Variants in HAUS7 observed in about 807,000 individuals in gnomAD.
The protein encoded by HAUS7 is HAUS augmin-like complex subunit 7.
A neutral mutation model predicts 28.4 loss-of-function variants in HAUS7; 3 were observed. That is an observed-to-expected ratio of 0.11 (90% CI 0.05 to 0.27). HAUS7 has a LOEUF of 0.27. Ranked by LOEUF, HAUS7 falls within the 10% of genes least tolerant of loss-of-function variation. The pLI is 1.00. For missense variants in HAUS7, 284 were observed against 297.3 expected, an observed-to-expected ratio of 0.96 and a Z score of 0.33; for synonymous variants, 165 against 132.1, an observed-to-expected ratio of 1.25 and a Z score of -1.71.
chrX:153,479,843 C>G (rs1247933960), intron 1 of HAUS7, among the ~76,000 whole-genome samples: 1 of 111,222 alleles, frequency 9.0e-6, no homozygotes, highest in Non-Finnish European at 1.9e-5. Context: ...GCCCCTCACC[C>G]CTGCAGACAG....
chrX:153,488,559 G>A (rs1354458850), intron 1 of HAUS7, among the ~76,000 whole-genome samples: 1 of 112,410 alleles, frequency 8.9e-6, no homozygotes, highest in African/African-American at 3.2e-5. Context: ...CTTTGGACTC[G>A]TCCCGGCATT....
intron 1 of HAUS7, among the ~76,000 whole-genome samples, chrX:153,492,254 A>C (rs782304605): frequency 1.8e-5 from 2 of 113,298 alleles, no homozygotes; most frequent in Admixed American, 1.8e-4. Flanking sequence ...TTCCTAGAGC[A>C]CTTCAGCTGG....
At chrX:153,470,999 C>A (rs782283922), upstream of HAUS7, 5 of 330,477 alleles carry the variant, frequency 1.5e-5, no homozygotes, top group African/African-American at 1.3e-4. Context: ...GGCGCTCCTG[C>A]CTTGGTCGGG....
At chrX:153,452,121 G>C (rs1392067812) in intron 9 of HAUS7, among the ~76,000 whole-genome samples, 1 of 112,272 alleles carries the variant, frequency 8.9e-6, no homozygotes, top group East Asian at 2.8e-4. Flanking sequence ...GGCAGCCAGA[G>C]GACACTGAAA....
chrX:153,466,015 T>C (rs1342951342), intron 2 of HAUS7, among the ~76,000 whole-genome samples: 1 of 112,680 alleles, frequency 8.9e-6, no homozygotes, highest in African/African-American at 3.2e-5. Flanking sequence ...TCTAGGAGCC[T>C]GCTGACTCGT....
intron 1 of HAUS7, chrX:153,494,923 C>T (rs991026733): frequency 9.9e-6 from 1 of 101,418 alleles, no homozygotes; most frequent in East Asian, 3.2e-4. Flanking sequence ...CCCGCTGTCC[C>T]CTCCCCGTCG....
At chrX:153,492,893 T>G (rs1042901216) in intron 1 of HAUS7, among the ~76,000 whole-genome samples, 19 of 111,861 alleles carry the variant, frequency 1.7e-4, no homozygotes, top group African/African-American at 6.5e-5. Flanking sequence ...CTGGGACTCC[T>G]GGAGGCTGAG....
intron 1 of HAUS7, among the ~76,000 whole-genome samples, chrX:153,492,883 C>A (rs947215177): frequency 8.0e-5 from 9 of 111,875 alleles, no homozygotes; most frequent in Non-Finnish European, 1.5e-4. Flanking sequence ...TTCACCCCCA[C>A]TGGGACTCCT....
At chrX:153,483,210 C>T (rs1164547380) in intron 1 of HAUS7, 12 of 548,721 alleles carry the variant, frequency 2.2e-5, no homozygotes, top group Non-Finnish European at 2.7e-5. Flanking sequence ...GAGGCAGTGC[C>T]GGCAGAGAAT....
Position 153,469,238 on chromosome X carries a change from C to A in HAUS7, c.132G>T (p.Glu44Asp), listed in dbSNP as rs1556984780. The change falls in exon 2 of 10, where the codon GAG becomes GAT. Residue 44 changes from glutamate (E) to aspartate (D), a missense_variant. Coordinates refer to ENST00000370211, the MANE Select transcript of HAUS7 (RefSeq NM_001385482.1). ...KLKDLNCPFL[E>D]GLYITEPKTI... ...TCTTTGGCTCTGTGATATACAGACC[C>A]TCGAGGAAGGGGCAGTTTAGGTCCT... The A allele has an allele frequency of 7.7e-6, 9 of 1,164,944 alleles. No individual in the cohort carries two copies. In the African/African-American group the frequency reaches 8.8e-5, roughly 11 times the overall value.
chrX:153,462,778 C>G, intron 3 of HAUS7, 107 bp from the exon 4 acceptor site: 1 of 602,536 alleles, frequency 1.7e-6, no homozygotes. Context: ...GTATAGGAGA[C>G]CAGGGTGGGC....
At chrX:153,485,713 C>T (rs1290823917) in intron 1 of HAUS7, 1 of 742,033 alleles carries the variant, frequency 1.3e-6, no homozygotes, top group Non-Finnish European at 1.6e-6. Flanking sequence ...CCTGGAACTC[C>T]CCTCTAGGAG....
At chrX:153,458,580 A>G (rs782520617) in intron 4 of HAUS7, among the ~76,000 whole-genome samples, 16 of 112,339 alleles carry the variant, frequency 1.4e-4, no homozygotes, top group African/African-American at 6.5e-5. Flanking sequence ...TTTTGTGTGC[A>G]TGTATATTTT....
intron 1 of HAUS7, among the ~76,000 whole-genome samples, chrX:153,477,564 G>A (rs1465312834): frequency 5.3e-5 from 6 of 112,711 alleles, no homozygotes; most frequent in African/African-American, 1.9e-4. Flanking sequence ...AGGATCCTGG[G>A]GCAAGCTTCA....
intron 1 of HAUS7, among the ~76,000 whole-genome samples, chrX:153,493,274 G>A (rs781790330): frequency 8.9e-5 from 10 of 112,272 alleles, no homozygotes; most frequent in South Asian, 7.4e-4. Flanking sequence ...GAGGCTCTGC[G>A]GCCTTTTGCG....
chrX:153,488,819 C>G (rs1413264079), intron 1 of HAUS7, among the ~76,000 whole-genome samples: 1 of 113,156 alleles, frequency 8.8e-6, no homozygotes, highest in African/African-American at 3.2e-5. Flanking sequence ...CTGCCCACTT[C>G]TTACCACTGC....
At chrX:153,457,387 T>C (rs146151220) in intron 4 of HAUS7, among the ~76,000 whole-genome samples, 159 bp from the exon 5 acceptor site, 5 of 113,237 alleles carry the variant, frequency 4.4e-5, no homozygotes, top group Non-Finnish European at 9.4e-5. Context: ...AGCAATGTCT[T>C]GGACTAGCAA....
At chrX:153,470,613 C>G (rs1556985054), upstream of HAUS7, 1 of 1,190,125 alleles carries the variant, frequency 8.4e-7, no homozygotes, top group East Asian at 3.0e-5. Context: ...GCCGGCAAGA[C>G]CGCCAATCAA....
intron 9 of HAUS7, among the ~76,000 whole-genome samples, chrX:153,453,626 G>A (rs1178043999): frequency 1.8e-5 from 2 of 109,737 alleles, no homozygotes; most frequent in Admixed American, 9.8e-5. Flanking sequence ...ATAACATATG[G>A]ATACTTAATA....
Sources: gnomAD v4.1 joint callset for allele counts (sites outside exome capture counted in the v4.1 genomes callset) on GRCh38, gnomAD v4.1.1 for gene constraint, MANE v1.5 for transcripts, NCBI Gene and HGNC (gene_info 2026-07-23, HGNC 2026-07-21) for gene names.